The following AKAP13 variants were observed in gnomAD, a reference collection of about 807,000 sequenced individuals.
AKAP13 encodes the protein A-kinase anchor protein 13.
A neutral mutation model predicts 264.5 loss-of-function variants in AKAP13; 80 were observed. That is an observed-to-expected ratio of 0.30 (90% CI 0.25 to 0.36). The LOEUF is 0.36. Among genes scored for constraint, AKAP13 ranks in the 10% least tolerant of loss-of-function variants. AKAP13 has a pLI of 1.00. For missense variants in AKAP13, 3,712 were observed against 3,435.2 expected, an observed-to-expected ratio of 1.08 and a Z score of -2.01; for synonymous variants, 1,380 against 1,250.2, an observed-to-expected ratio of 1.10 and a Z score of -2.19.
chr15:85,521,426 A>G lies in AKAP13; in HGVS notation c.34-2A>G, dbSNP rs1426117704. The G allele has an allele frequency of 1.2e-6, 2 of 1,613,900 alleles. No homozygotes were observed. The highest frequency in any genetic ancestry group is 1.7e-5 in the Admixed American group (1 of 60,000). On this transcript the variant is annotated splice_acceptor_variant, in intron 2 of 36. Coordinates refer to ENST00000394518, the MANE Select transcript of AKAP13 (RefSeq NM_007200.5). LOFTEE classifies it high-confidence loss of function. ...AACTTGCTATATTGTTTCCTTTCCT[A>G]GGGTGATTGTGTTGTTACAGTGCTG...
At position 85,723,168 on chromosome 15, in the gene AKAP13, A is replaced by G. The variant is rs1223442967; in HGVS notation, c.6593A>G (p.Lys2198Arg). 2 of 1,614,192 alleles carry G rather than the reference A, an allele frequency of 1.2e-6. No individual in the cohort carries two copies. The highest frequency in any genetic ancestry group is 3.3e-5 in the Admixed American group (2 of 60,024). Residue 2198 changes from lysine to arginine, a missense_variant, in exon 26 of 37, where the codon AAA becomes AGA. Physicochemically the swap from Lys to Arg is conservative, Grantham distance 26. This residue lies in a region of AKAP13 where 342 missense variants were observed against 484.3 expected (regional missense o/e 0.71). Transcript: ENST00000394518. ...AGCAAAGTGGCAAGTTATGAAAAGA[A>G]AGTGCGTCTCAATGAGATTTATACA... ...VDSKVASYEK[K>R]VRLNEIYTKT...
At chr15:85,734,390 T>A (rs895524205) in intron 30 of AKAP13, among the ~76,000 whole-genome samples, 1 of 152,240 alleles carries the variant, frequency 6.6e-6, no homozygotes, top group African/African-American at 2.4e-5. Flanking sequence ...GTTTTTCTTT[T>A]TTAATATGGC....
At chr15:85,498,450 C>T (rs752204427) in intron 2 of AKAP13, among the ~76,000 whole-genome samples, 5 of 152,036 alleles carry the variant, frequency 3.3e-5, no homozygotes, top group Non-Finnish European at 7.3e-5. Context: ...TATCTCCTCA[C>T]CCATGTGAGA....
At chr15:85,646,070 T>C (rs1228587117) in intron 10 of AKAP13, 116 bp downstream of exon 10, 8 of 1,291,776 alleles carry the variant, frequency 6.2e-6, no homozygotes, top group Admixed American at 2.2e-5. Context: ...TCCCTAAATA[T>C]GTAACTCCTG....
At chr15:85,641,303 G>A (rs1030835769) in intron 9 of AKAP13, among the ~76,000 whole-genome samples, 2 of 151,012 alleles carry the variant, frequency 1.3e-5, no homozygotes, top group East Asian at 2.0e-4. Flanking sequence ...AAAATTAGCC[G>A]GGTGTGGTGG....
At chr15:85,516,039 C>T (rs888254420) in intron 2 of AKAP13, among the ~76,000 whole-genome samples, 1 of 152,168 alleles carries the variant, frequency 6.6e-6, no homozygotes, top group African/African-American at 2.4e-5. Flanking sequence ...CAGAAAAGCA[C>T]ATGGTGTATT....
intron 2 of AKAP13, among the ~76,000 whole-genome samples, chr15:85,495,874 C>A (rs988950453): frequency 2.6e-5 from 4 of 152,114 alleles, no homozygotes; most frequent in African/African-American, 9.7e-5. Context: ...TAGAAGAGCA[C>A]CATAAGAAAG....
intron 13 of AKAP13, among the ~76,000 whole-genome samples, chr15:85,666,471 C>A (rs1396693258): frequency 6.6e-6 from 1 of 151,170 alleles, no homozygotes; most frequent in Non-Finnish European, 1.5e-5. Context: ...TTCTGTAGGT[C>A]GCCTGTTCAC....
At chr15:85,685,077 A>T (rs1187126330) in intron 16 of AKAP13, 4 of 567,224 alleles carry the variant, frequency 7.1e-6, no homozygotes, top group African/African-American at 1.9e-5. Context: ...TTTTCACTAT[A>T]TGCTAAGTGC....
chr15:85,518,211 A>G (rs770225273), intron 2 of AKAP13, among the ~76,000 whole-genome samples: 1 of 152,018 alleles, frequency 6.6e-6, no homozygotes, highest in Non-Finnish European at 1.5e-5. Flanking sequence ...TGTTACCTAG[A>G]TCTGTTTTTC....
chr15:85,407,941 T>G (rs2071756725), intron 1 of AKAP13, among the ~76,000 whole-genome samples: 3 of 151,556 alleles, frequency 2.0e-5, no homozygotes, highest in African/African-American at 7.3e-5. Context: ...TTGAATGCAG[T>G]GAGGTTGGAA....
At chr15:85,521,347 C>T in intron 2 of AKAP13, 81 bp from the exon 3 acceptor site, 2 of 1,517,918 alleles carry the variant, frequency 1.3e-6, no homozygotes, top group South Asian at 2.5e-5. Flanking sequence ...TTGATTTTCC[C>T]TTAAATATGA....
Position 85,743,521 on chromosome 15 carries a change from G to T in AKAP13, c.8088G>T (p.Arg2696Ser), listed in dbSNP as rs147284419. 140 of 1,613,946 alleles carry T rather than the reference G, an allele frequency of 8.7e-5. 1 individual carries two copies. The highest frequency in any genetic ancestry group is 3.3e-4 in the Middle Eastern group (2 of 6,084). ...CCCATCCACATACCAAGCTGATGAG[G>T]ATCCCATCGTTCTTCCCCAGTCCTG... ...QVSHPHTKLM[R>S]IPSFFPSPEE... The change falls in exon 36 of 37, where the codon AGG (arginine) becomes AGT (serine). Residue 2696 changes from arginine (R) to serine (S), a missense_variant. This residue lies in a region of AKAP13 where 611 missense variants were observed against 539.3 expected (regional missense o/e 1.13). Coordinates refer to ENST00000394518, the MANE Select transcript of AKAP13 (RefSeq NM_007200.5).
intron 1 of AKAP13, among the ~76,000 whole-genome samples, chr15:85,461,230 C>T (rs2074499007): frequency 1.3e-5 from 2 of 152,112 alleles, no homozygotes; most frequent in Admixed American, 1.3e-4. Context: ...ATTCTCCTGC[C>T]TCAGCCTCCC....
chr15:85,524,758 C>T (rs1161233986), intron 3 of AKAP13, among the ~76,000 whole-genome samples: 1 of 151,998 alleles, frequency 6.6e-6, no homozygotes, highest in Non-Finnish European at 1.5e-5. Flanking sequence ...AGGCCCATCT[C>T]CCCACCCATC....
At chr15:85,731,555 G>A (rs1256677267) in intron 30 of AKAP13, among the ~76,000 whole-genome samples, 2 of 151,942 alleles carry the variant, frequency 1.3e-5, no homozygotes, top group Non-Finnish European at 2.9e-5. Flanking sequence ...GGATTCAGAG[G>A]CGTAATTAAT....
chr15:85,508,465 A>C (rs1221454386), intron 2 of AKAP13, among the ~76,000 whole-genome samples: 1 of 149,312 alleles, frequency 6.7e-6, no homozygotes, highest in African/African-American at 2.5e-5. Context: ...TTTTAAAGGT[A>C]AGGGGTTGAA....
intron 1 of AKAP13, chr15:85,382,120 G>A (rs549283598): frequency 2.6e-5 from 4 of 152,234 alleles, no homozygotes; most frequent in South Asian, 2.1e-4. Flanking sequence ...TTCTGTTTCA[G>A]TTCCCCAGAT....
intron 1 of AKAP13, among the ~76,000 whole-genome samples, chr15:85,471,418 C>G (rs1338236089): frequency 2.6e-5 from 4 of 152,126 alleles, no homozygotes; most frequent in Non-Finnish European, 4.4e-5. Context: ...TGGCATGAAC[C>G]CAAGAGGCGG....
Sources: gnomAD v4.1 joint callset for allele counts (sites outside exome capture counted in the v4.1 genomes callset) on GRCh38, gnomAD v4.1.1 for gene constraint, gnomAD v4.1.1 regional missense constraint, MANE v1.5 for transcripts, NCBI Gene and HGNC (gene_info 2026-07-23, HGNC 2026-07-21) for gene names.